The following GDPD1 variants were observed in gnomAD, a reference collection of about 807,000 sequenced individuals.
GDPD1 encodes glycerophosphodiester phosphodiesterase domain containing 1, also known as lysophospholipase D GDPD1.
In GDPD1, 28 loss-of-function variants were observed where a neutral mutation model predicts 45.1. That is an observed-to-expected ratio of 0.62 (90% CI 0.46 to 0.85). GDPD1 has a LOEUF of 0.85. Among genes scored for constraint, GDPD1 ranks in the 40% least tolerant of loss-of-function variants. The probability of loss-of-function intolerance (pLI) is 0.00; values close to 1 mark genes in which losing one functional copy is unlikely to be tolerated. For missense variants in GDPD1, 256 were observed against 364.8 expected (o/e 0.70, Z 2.43); for synonymous variants, 139 against 131.4 (o/e 1.06, Z -0.40).
chr17:59,272,789 C>T lies in GDPD1; in HGVS notation c.775C>T (p.Leu259=). The T allele has an allele frequency of 6.2e-7, 1 of 1,603,704 alleles. No individual in the cohort carries two copies. The highest frequency in any genetic ancestry group is 8.5e-7 in the Non-Finnish European group (1 of 1,170,562). Residue 259 remains leucine, a synonymous_variant, in exon 9 of 10, where the codon CTA becomes TTA. Transcript: ENST00000284116. ...KFLIWLSDLL[L]MRKALFDHLT... is the part of the protein sequence containing the mutation. ...GTTTTGCTTTTTCTTTTCTAGCTTA[C>T]TAATGAGGAAAGCTTTGTTTGACCA...
At chr17:59,234,404 T>C (rs878897796) in intron 1 of GDPD1, 88 bp from the exon 2 acceptor site, 4 of 725,402 alleles carry the variant, frequency 5.5e-6, no homozygotes, top group South Asian at 3.6e-5. Context: ...AAAAAAAAGG[T>C]CAAGATTCAT....
intron 7 of GDPD1, 61 bp downstream of exon 7, chr17:59,267,235 G>C: frequency 7.0e-7 from 1 of 1,436,774 alleles, no homozygotes; most frequent in Non-Finnish European, 9.7e-7. Flanking sequence ...TAAGATAAAA[G>C]CTCACTAATA....
At chr17:59,230,289 C>G (rs1597963367) in intron 1 of GDPD1, among the ~76,000 whole-genome samples, 1 of 148,718 alleles carries the variant, frequency 6.7e-6, no homozygotes, top group East Asian at 2.0e-4. Flanking sequence ...AATAGAAAAA[C>G]TGCATAAAGC....
At chr17:59,252,828 C>T (rs944517110) in intron 4 of GDPD1, among the ~76,000 whole-genome samples, 3 of 152,010 alleles carry the variant, frequency 2.0e-5, no homozygotes, top group Non-Finnish European at 4.4e-5. Flanking sequence ...GGTGAAACCC[C>T]GTCTCTACTA....
intron 3 of GDPD1, among the ~76,000 whole-genome samples, chr17:59,247,109 C>T (rs558400356): frequency 2.6e-5 from 4 of 152,200 alleles, no homozygotes; most frequent in East Asian, 3.9e-4. Context: ...TTTTTAGAGA[C>T]GTCTGGGTTT....
chr17:59,261,725 C>G (rs1442368946), intron 6 of GDPD1, among the ~76,000 whole-genome samples: 2 of 151,724 alleles, frequency 1.3e-5, no homozygotes, highest in Non-Finnish European at 2.9e-5. Flanking sequence ...TCCTGAATTC[C>G]TGGCCTCAAG....
At chr17:59,259,646 G>A (rs1401542452) in intron 6 of GDPD1, among the ~76,000 whole-genome samples, 1 of 150,280 alleles carries the variant, frequency 6.7e-6, no homozygotes, top group Non-Finnish European at 1.5e-5. Context: ...CTTCTAGGGA[G>A]GCTGAGGCAG....
chr17:59,268,591 A>AAAAG (rs1378781681), intron 7 of GDPD1, among the ~76,000 whole-genome samples: 1 of 147,146 alleles, frequency 6.8e-6, no homozygotes, highest in Non-Finnish European at 1.5e-5. Flanking sequence ...AAAAAAAAAA[A>AAAAG]AAAAAAAAAA....
intron 6 of GDPD1, among the ~76,000 whole-genome samples, chr17:59,263,377 A>G (rs1171607368): frequency 1.3e-5 from 2 of 151,968 alleles, no homozygotes; most frequent in Non-Finnish European, 2.9e-5. Context: ...CTTGATTTCC[A>G]TACTTTTCCA....
intron 2 of GDPD1, among the ~76,000 whole-genome samples, chr17:59,241,121 A>G (rs1366471340): frequency 2.6e-5 from 4 of 152,176 alleles, no homozygotes; most frequent in Non-Finnish European, 5.9e-5. Flanking sequence ...TACCATCTAG[A>G]TTTGTGTAAG....
At chr17:59,256,067 C>T (rs1349606130) in intron 4 of GDPD1, among the ~76,000 whole-genome samples, 2 of 151,206 alleles carry the variant, frequency 1.3e-5, no homozygotes, top group Admixed American at 6.6e-5. Context: ...GCCTGTAATC[C>T]CAGCACTTCG....
At chr17:59,221,878 GA>G (rs777791027) in intron 1 of GDPD1, among the ~76,000 whole-genome samples, 9 of 152,048 alleles carry the variant, frequency 5.9e-5, no homozygotes, top group Admixed American at 1.3e-4. Context: ...ATTGGCCAAG[GA>G]AAAAGGTTTT....
At chr17:59,254,126 C>T (rs1712127609) in intron 4 of GDPD1, among the ~76,000 whole-genome samples, 1 of 151,128 alleles carries the variant, frequency 6.6e-6, no homozygotes, top group African/African-American at 2.4e-5. Flanking sequence ...CTTTGGGAGG[C>T]TGAGACAGGC....
At chr17:59,258,779 T>C (rs1314635447) in intron 6 of GDPD1, among the ~76,000 whole-genome samples, 1 of 152,164 alleles carries the variant, frequency 6.6e-6, no homozygotes, top group Non-Finnish European at 1.5e-5. Flanking sequence ...TTCTATCTTT[T>C]AATCACTGTC....
intron 2 of GDPD1, among the ~76,000 whole-genome samples, chr17:59,242,017 A>G (rs1209403978): frequency 6.6e-6 from 1 of 152,178 alleles, no homozygotes; most frequent in African/African-American, 2.4e-5. Flanking sequence ...ATTGATGTCA[A>G]TAATATTGTC....
At chr17:59,237,843 G>C (rs540645887) in intron 2 of GDPD1, among the ~76,000 whole-genome samples, 4 of 152,084 alleles carry the variant, frequency 2.6e-5, no homozygotes, top group Non-Finnish European at 5.9e-5. Flanking sequence ...GCCAAGGCAG[G>C]CGGATCACTT....
intron 6 of GDPD1, among the ~76,000 whole-genome samples, chr17:59,258,125 C>G (rs1597984889): frequency 1.3e-5 from 2 of 152,044 alleles, no homozygotes; most frequent in South Asian, 4.2e-4. Context: ...TGAGGTCTCA[C>G]TATATTGCCC....
intron 4 of GDPD1, among the ~76,000 whole-genome samples, chr17:59,253,540 T>C (rs1455512355): frequency 6.6e-6 from 1 of 152,204 alleles, no homozygotes; most frequent in Non-Finnish European, 1.5e-5. Context: ...AGCACTTTTT[T>C]TGCCTCAGCA....
At chr17:59,256,196 A>G (rs981024790) in intron 4 of GDPD1, among the ~76,000 whole-genome samples, 1 of 151,992 alleles carries the variant, frequency 6.6e-6, no homozygotes, top group East Asian at 1.9e-4. Flanking sequence ...GTGCTCCTGT[A>G]GTTCCAGCTA....
Sources: allele counts gnomAD v4.1 joint callset (sites outside exome capture counted in the v4.1 genomes callset), GRCh38; gene constraint gnomAD v4.1.1; transcripts MANE v1.5; gene names NCBI Gene and HGNC (gene_info 2026-07-23, HGNC 2026-07-21).